Variants in LMO7 observed in about 807,000 individuals in gnomAD.
The protein encoded by LMO7 is LIM domain only protein 7.
LMO7 carries 120 observed loss-of-function variants against 206.5 expected under a neutral mutation model. The observed-to-expected ratio is 0.58, with a 90% CI of 0.50 to 0.68. LMO7 has a LOEUF of 0.68. LMO7 is among the 30% of genes least tolerant of loss of function. The pLI, the probability that LMO7 is intolerant of heterozygous loss-of-function variation, is 0.00. For synonymous variants in LMO7, 706 were observed against 681.5 expected (o/e 1.04, Z -0.56); for missense variants, 1,959 against 1,957.9 (o/e 1.00, Z -0.01).
intron 3 of LMO7, among the ~76,000 whole-genome samples, chr13:75,738,070 G>T (rs888076581): frequency 8.6e-5 from 13 of 151,828 alleles, no homozygotes; most frequent in Non-Finnish European, 2.9e-5. Context: ...GCTGTGGTCA[G>T]GAGTGTTGTT....
intron 28 of LMO7, among the ~76,000 whole-genome samples, chr13:75,854,210 A>C (rs2060734030): frequency 6.6e-6 from 1 of 152,210 alleles, no homozygotes; most frequent in Non-Finnish European, 1.5e-5. Context: ...TCACAAATGG[A>C]ATACTTCAAA....
chr13:75,634,557 G>A (rs1397548640), upstream of LMO7, among the ~76,000 whole-genome samples: 5 of 152,234 alleles, frequency 3.3e-5, no homozygotes, highest in African/African-American at 1.2e-4. Flanking sequence ...TGGCTAACAC[G>A]GTGAAACCTC....
intron 4 of LMO7, among the ~76,000 whole-genome samples, chr13:75,772,209 G>C (rs1039591314): frequency 6.6e-6 from 1 of 152,044 alleles, no homozygotes; most frequent in African/African-American, 2.4e-5. Flanking sequence ...TTAGGAGGAA[G>C]AAATATTCAT....
chr13:75,771,595 A>AAAAACAGAATTTTTAAAGC (rs2049743153), intron 4 of LMO7, among the ~76,000 whole-genome samples: 1 of 22,186 alleles, frequency 4.5e-5, no homozygotes, highest in African/African-American at 1.8e-4. Flanking sequence ...TAGTAAGTAT[A>AAAAACAGAATTTTTAAAGC]TTTTATTTAT....
intron 4 of LMO7, among the ~76,000 whole-genome samples, chr13:75,772,520 G>T (rs1226688374): frequency 6.6e-6 from 1 of 152,058 alleles, no homozygotes; most frequent in Non-Finnish European, 1.5e-5. Flanking sequence ...GAGTTTACAG[G>T]TATGGAAACT....
intron 4 of LMO7, among the ~76,000 whole-genome samples, chr13:75,765,359 C>T (rs548259091): frequency 4.2e-5 from 6 of 142,056 alleles, no homozygotes; most frequent in Non-Finnish European, 6.1e-5. Context: ...ATGAGTTTCT[C>T]AACATCTTCA....
chr13:75,705,464 G>A (rs2042584802), intron 1 of LMO7, among the ~76,000 whole-genome samples: 1 of 152,060 alleles, frequency 6.6e-6, no homozygotes, highest in Admixed American at 6.5e-5. Flanking sequence ...TAAGGAAAGG[G>A]GCAAACAAGA....
intron 11 of LMO7, chr13:75,816,911 T>G: frequency 3.5e-6 from 1 of 284,650 alleles, no homozygotes. Flanking sequence ...GTTTTTTTGT[T>G]TGTTTGTTTT....
chr13:75,825,084 G>GT lies in LMO7; in HGVS notation c.2949+1220dup, dbSNP rs773244777. ...GTTAACATCTAGGTATATTTCTTTT[G>GT]TTTTTTTTTCCCATGCATATTTACA... On this transcript the variant is annotated intron_variant, in intron 15 of 30. Coordinates refer to ENST00000377534, the MANE Select transcript of LMO7 (RefSeq NM_001306080.2). Among the ~76,000 whole-genome samples, 294 of 149,832 alleles carry GT rather than the reference G, an allele frequency of 2.0e-3. 8 individuals carry two copies. In the East Asian group the frequency reaches 0.046, roughly 23 times the overall value.
chr13:75,645,711 A>C (rs1046896680), intron 1 of LMO7, among the ~76,000 whole-genome samples: 4 of 152,206 alleles, frequency 2.6e-5, no homozygotes, highest in African/African-American at 9.6e-5. Flanking sequence ...CAGTCTATCA[A>C]AAGCATCAGA....
chr13:75,645,112 T>A (rs2036894761), intron 1 of LMO7, among the ~76,000 whole-genome samples: 1 of 152,266 alleles, frequency 6.6e-6, no homozygotes. Context: ...CTATAATTTA[T>A]AAAAGTATCA....
chr13:75,800,748 G>A lies in LMO7; in HGVS notation c.527G>A (p.Cys176Tyr), dbSNP rs530913315. The change falls in exon 7 of 31, where the codon TGT (cysteine) becomes TAT (tyrosine). Residue 176 changes from cysteine (C) to tyrosine (Y), a missense_variant. Coordinates refer to ENST00000377534, the MANE Select transcript of LMO7 (RefSeq NM_001306080.2). ...GACAGTGGCTACGGTGACATCTGGT[G>A]TCCTGAACGTGGAGAATTTCTTGCT... is the stretch of plus-strand genomic sequence containing the variant. ...GRDSGYGDIWCPERGEFLAPP... is the reference protein window; with the variant it reads ...GRDSGYGDIWYPERGEFLAPP... The A allele has an allele frequency of 5.0e-6, 8 of 1,614,146 alleles. No homozygotes were observed. The Admixed American group carries it at 1.2e-4, about 24-fold the overall frequency.
At chr13:75,743,787 C>A (rs1026974496) in intron 3 of LMO7, among the ~76,000 whole-genome samples, 1 of 152,046 alleles carries the variant, frequency 6.6e-6, no homozygotes, top group Admixed American at 6.6e-5. Context: ...ATCTGTACAA[C>A]AAACCCCCAT....
chr13:75,787,200 ACT>A (rs1280845588), intron 4 of LMO7, among the ~76,000 whole-genome samples: 1 of 152,124 alleles, frequency 6.6e-6, no homozygotes, highest in South Asian at 2.1e-4. Flanking sequence ...CTTAATATGC[ACT>A]CTGTTTGTGG....
intron 2 of LMO7, among the ~76,000 whole-genome samples, chr13:75,624,498 A>C (rs1366768491): frequency 6.6e-6 from 1 of 152,214 alleles, no homozygotes; most frequent in Non-Finnish European, 1.5e-5. Context: ...TATGGAACTT[A>C]TTAGAACTTC....
chr13:75,732,319 T>C (rs1001432672), intron 3 of LMO7, among the ~76,000 whole-genome samples: 2 of 151,902 alleles, frequency 1.3e-5, no homozygotes, highest in Non-Finnish European at 2.9e-5. Flanking sequence ...ACGCTTTGTT[T>C]GTTTCTTTTT....
At chr13:75,683,366 G>A (rs1409869770) in intron 1 of LMO7, among the ~76,000 whole-genome samples, 1 of 152,028 alleles carries the variant, frequency 6.6e-6, no homozygotes, top group Non-Finnish European at 1.5e-5. Context: ...TTGCAATTAG[G>A]TCTAAGATAC....
upstream of LMO7, chr13:75,635,664 G>C (rs1345201130): frequency 6.6e-6 from 1 of 151,894 alleles, no homozygotes; most frequent in African/African-American, 2.4e-5. Flanking sequence ...GGGGTGGAGG[G>C]GCAGGGACCC....
chr13:75,795,347 T>C, intron 4 of LMO7, 54 bp from the exon 5 acceptor site: 2 of 1,198,064 alleles, frequency 1.7e-6, no homozygotes, highest in Non-Finnish European at 2.4e-6. Context: ...CTAGCTATAA[T>C]TAATAATTTA....
Sources: allele counts gnomAD v4.1 joint callset (sites outside exome capture counted in the v4.1 genomes callset), GRCh38; gene constraint gnomAD v4.1.1; transcripts MANE v1.5; gene names NCBI Gene and HGNC (gene_info 2026-07-23, HGNC 2026-07-21).